Variants in NUB1 observed in about 807,000 individuals in gnomAD.
NUB1 encodes negative regulator of ubiquitin like proteins 1, also known as NEDD8 ultimate buster 1.
NUB1 carries 41 observed loss-of-function variants against 77.1 expected under a neutral mutation model. That is an observed-to-expected ratio of 0.53 (90% CI 0.41 to 0.69). The LOEUF is 0.69. Among genes scored for constraint, NUB1 ranks in the 30% least tolerant of loss-of-function variants. The pLI, the probability that NUB1 is intolerant of heterozygous loss-of-function variation, is 0.00. For missense variants in NUB1, 643 were observed against 743.8 expected (o/e 0.86, Z 1.58); for synonymous variants, 257 against 281.0 (o/e 0.91, Z 0.85).
At position 151,366,921 on chromosome 7, in the gene NUB1, C is replaced by T. The variant is rs1040305947; in HGVS notation, c.801-18C>T. On this transcript the variant is annotated intron_variant, in intron 8 of 14. Coordinates refer to ENST00000568733, the MANE Select transcript of NUB1 (RefSeq NM_001243351.2). ...CAAATGCTGCTTGGCAGTGATGTCA[C>T]TGTCCTTCTCTTTCCAGTGAGTGTT... The T allele has an allele frequency of 3.2e-6, 5 of 1,562,020 alleles. No individual in the cohort carries two copies. The African/African-American group carries it at 6.9e-5, about 21-fold the overall frequency.
chr7:151,376,825 C>T lies in NUB1; in HGVS notation c.1669+14C>T. ...CTGACTCCGCAGGTAGGTCTGAGGT[C>T]TTTGAGGGCCGCATTGAGAGCAAAG... On this transcript the variant is annotated intron_variant, in intron 14 of 14. Coordinates refer to ENST00000568733, the MANE Select transcript of NUB1 (RefSeq NM_001243351.2). 1 of 1,565,698 alleles carries T rather than the reference C, an allele frequency of 6.4e-7. No individual in the cohort carries two copies. The highest frequency in any genetic ancestry group is 8.7e-7 in the Non-Finnish European group (1 of 1,155,140).
chr7:151,376,684 G>T lies in NUB1; in HGVS notation c.1542G>T (p.Val514=), dbSNP rs1189885847. 5.0e-6 allele frequency: 8 copies of T among 1,611,218 alleles called. No homozygotes were observed. The highest frequency in any genetic ancestry group is 1.7e-5 in the Admixed American group (1 of 59,714). Residue 514 remains valine (V), a synonymous_variant, in exon 14 of 15, where the codon GTG becomes GTT. Transcript: ENST00000568733. Reference sequence around the variant, plus strand: ...TCGTGGCCGAAGCTGCGCTGAGAGTGTTCAGAGGCAACGTCCAGCTGGCCG... The same window carrying T: ...TCGTGGCCGAAGCTGCGCTGAGAGTTTTCAGAGGCAACGTCCAGCTGGCCG... ...DALVAEAALR[V]FRGNVQLAAQ...
rs900854222 is a variant in NUB1, at chr7:151,361,770, C to T, written c.800+1523C>T. 6.6e-5 allele frequency among the ~76,000 whole-genome samples: 10 copies of T among 152,036 alleles called. No homozygotes were observed. The East Asian group carries it at 1.4e-3, about 21-fold the overall frequency. On this transcript the variant is annotated intron_variant, in intron 8 of 14. Coordinates refer to ENST00000568733, the MANE Select transcript of NUB1 (RefSeq NM_001243351.2). ...AAAAAGGAATTGGGAGGGGAGGGGC[C>T]GGGCTGGGAATAGTGAGAATGAGGG...
intron 3 of NUB1, 38 bp downstream of exon 3, chr7:151,349,278 C>G (rs775074804): frequency 6.7e-7 from 1 of 1,502,926 alleles, no homozygotes; most frequent in South Asian, 1.2e-5. Flanking sequence ...GCACTAATGT[C>G]CAGTTAGTGA....
At chr7:151,353,906 G>T (rs1455604083) in intron 5 of NUB1, among the ~76,000 whole-genome samples, 1 of 152,114 alleles carries the variant, frequency 6.6e-6, no homozygotes, top group Non-Finnish European at 1.5e-5. Context: ...AGATGTCATG[G>T]ATATCTTTTC....
At chr7:151,343,924 G>C (rs1331839223) in intron 1 of NUB1, among the ~76,000 whole-genome samples, 1 of 152,070 alleles carries the variant, frequency 6.6e-6, no homozygotes, top group Non-Finnish European at 1.5e-5. Flanking sequence ...GCTCAGGCCT[G>C]TAATCCCAGC....
chr7:151,347,709 C>T (rs565492857), intron 2 of NUB1, among the ~76,000 whole-genome samples: 2 of 152,338 alleles, frequency 1.3e-5, no homozygotes, highest in African/African-American at 4.8e-5. Flanking sequence ...ATCCTCTCAC[C>T]TTGCCTTCCA....
intron 11 of NUB1, among the ~76,000 whole-genome samples, chr7:151,373,843 G>A (rs903585813): frequency 5.9e-5 from 9 of 152,198 alleles, no homozygotes; most frequent in African/African-American, 1.9e-4. Flanking sequence ...CGGGGCTGGC[G>A]AGGCACCTCC....
intron 11 of NUB1, 59 bp from the exon 12 acceptor site, chr7:151,374,038 T>C: frequency 6.6e-7 from 1 of 1,505,574 alleles, no homozygotes; most frequent in East Asian, 2.5e-5. Flanking sequence ...GAGCGCAGAC[T>C]GAGAGGCTGT....
intron 7 of NUB1, 52 bp downstream of exon 7, chr7:151,356,274 G>C: frequency 7.3e-7 from 1 of 1,372,856 alleles, no homozygotes; most frequent in South Asian, 1.2e-5. Flanking sequence ...TGTCAGGGCA[G>C]AGGTGGTTTT....
intron 2 of NUB1, 31 bp downstream of exon 2, chr7:151,345,497 C>A: frequency 9.0e-7 from 1 of 1,107,674 alleles, no homozygotes; most frequent in Non-Finnish European, 1.3e-6. Flanking sequence ...CAATAATTAG[C>A]AGCATTATAA....
At chr7:151,344,856 C>A (rs2975200) in intron 1 of NUB1, among the ~76,000 whole-genome samples, 1 of 151,390 alleles carries the variant, frequency 6.6e-6, no homozygotes, top group Non-Finnish European at 1.5e-5. Flanking sequence ...GAAAATTAGC[C>A]GGGCGTGGTG....
At chr7:151,370,190 G>C (rs899734497) in intron 11 of NUB1, among the ~76,000 whole-genome samples, 1 of 151,884 alleles carries the variant, frequency 6.6e-6, no homozygotes, top group Non-Finnish European at 1.5e-5. Flanking sequence ...AGGTTCAAGT[G>C]ATTCTTCTGC....
Position 151,377,086 on chromosome 7 carries a change from A to G in NUB1, c.1709A>G (p.Glu570Gly). The G allele has an allele frequency of 6.3e-7, 1 of 1,578,458 alleles. No homozygotes were observed. Among genetic ancestry groups the G allele is most frequent in the South Asian group, 1.2e-5 (1 of 84,882 alleles). Residue 570 changes from glutamate (E) to glycine (G), a missense_variant, in exon 15 of 15, where the codon GAG becomes GGG. Physicochemically the swap from Glu to Gly is moderately conservative, Grantham distance 98 (BLOSUM62 -2). Transcript: ENST00000568733. Reference protein sequence around the residue: ...SASTDEDMETEAVNEILEDIP... With the variant: ...SASTDEDMETGAVNEILEDIP... ...TCAACAGACGAAGACATGGAGACAGAGGCCGTCAATGAGATACTGGAAGAC... is the reference window on the plus strand; with the variant it reads ...TCAACAGACGAAGACATGGAGACAGGGGCCGTCAATGAGATACTGGAAGAC...
At position 151,344,820 on chromosome 7, in the gene NUB1, C is replaced by CG. The variant is rs548826633; in HGVS notation, c.-2-527dup. Reference sequence around the variant, plus strand: ...TTCGAGACCAGCCTGGCCAACATGGCGAAACCCCGTCTCTACTAAAAATAT... The same window carrying CG: ...TTCGAGACCAGCCTGGCCAACATGGCGGAAACCCCGTCTCTACTAAAAATAT... On this transcript the variant is annotated intron_variant, in intron 1 of 14. Coordinates refer to ENST00000568733, the MANE Select transcript of NUB1 (RefSeq NM_001243351.2). 8.9e-4 allele frequency among the ~76,000 whole-genome samples: 136 copies of CG among 152,048 alleles called. 1 individual carries two copies. The highest frequency in any genetic ancestry group is 3.2e-3 in the African/African-American group (134 of 41,470).
At chr7:151,357,336 C>G (rs1016446810) in intron 7 of NUB1, among the ~76,000 whole-genome samples, 1 of 151,956 alleles carries the variant, frequency 6.6e-6, no homozygotes, top group Non-Finnish European at 1.5e-5. Flanking sequence ...GTTGACCAGG[C>G]TGGTCTTGAA....
In NUB1 at chr7:151,341,856, C is replaced by T. The variant is rs1434917496; in HGVS notation, c.-3+10C>T. 8 of 1,497,424 alleles carry T rather than the reference C, an allele frequency of 5.3e-6. No homozygotes were observed. In the Admixed American group the frequency reaches 8.8e-5, roughly 17 times the overall value. 92.8% of individuals were successfully genotyped at this position (1,497,424 alleles called of 1,614,324 possible). A position where few individuals can be genotyped will look rare whatever the true frequency, so the allele number is the denominator to read the frequency against. ...GAGTGGCGTGGCGCAGGTGAGGACACGGCGGCCGAGTGTCCTCGACCCCAG... is the reference window on the plus strand; with the variant it reads ...GAGTGGCGTGGCGCAGGTGAGGACATGGCGGCCGAGTGTCCTCGACCCCAG... On this transcript the variant is annotated intron_variant, in intron 1 of 14. Transcript: ENST00000568733.
At chr7:151,366,436 T>C (rs1208848685) in intron 8 of NUB1, among the ~76,000 whole-genome samples, 1 of 152,092 alleles carries the variant, frequency 6.6e-6, no homozygotes, top group Non-Finnish European at 1.5e-5. Flanking sequence ...TAGAATCAGC[T>C]GGGGAGACTC....
At chr7:151,366,781 T>A (rs1797708733) in intron 8 of NUB1, among the ~76,000 whole-genome samples, 158 bp from the exon 9 acceptor site, 1 of 152,178 alleles carries the variant, frequency 6.6e-6, no homozygotes, top group Admixed American at 6.5e-5. Flanking sequence ...TAAACACAGC[T>A]CCCTTCCTAA....
Sources: allele counts gnomAD v4.1 joint callset (sites outside exome capture counted in the v4.1 genomes callset), GRCh38; gene constraint gnomAD v4.1.1; transcripts MANE v1.5; gene names NCBI Gene and HGNC (gene_info 2026-07-23, HGNC 2026-07-21).